The following ZNF423 variants were observed in gnomAD, a reference collection of about 807,000 sequenced individuals.
ZNF423 encodes the protein zinc finger protein 423, also known as Ebf-associated zinc finger protein.
Under a neutral mutation model 95.8 loss-of-function variants are expected in ZNF423, and 12 were observed. The ratio of observed to expected loss-of-function variants is 0.13; its 90% confidence interval spans 0.08 to 0.20. ZNF423 has a LOEUF of 0.20. ZNF423 is among the 10% of genes least tolerant of loss of function. The pLI, the probability that ZNF423 is intolerant of heterozygous loss-of-function variation, is 1.00. For missense variants in ZNF423, 1,316 were observed against 1,737.1 expected (o/e 0.76, Z 4.31); for synonymous variants, 749 against 711.9 (o/e 1.05, Z -0.83).
chr16:49,660,145 T>TCCTGGATC (rs1259514462), intron 3 of ZNF423, among the ~76,000 whole-genome samples: 2 of 152,214 alleles, frequency 1.3e-5, no homozygotes, highest in African/African-American at 2.4e-5. Context: ...AGCCCTGGAT[T>TCCTGGATC]CCTGGATCCC....
intron 7 of ZNF423, among the ~76,000 whole-genome samples, chr16:49,514,209 CACAT>C (rs1410477680): frequency 1.5e-3 from 92 of 62,816 alleles, no homozygotes; most frequent in African/African-American, 5.3e-3. Flanking sequence ...CACACACACA[CACAT>C]GCACACGCAC....
At chr16:49,579,706 T>G (rs1259107803) in intron 5 of ZNF423, among the ~76,000 whole-genome samples, 1 of 152,100 alleles carries the variant, frequency 6.6e-6, no homozygotes, top group Non-Finnish European at 1.5e-5. Flanking sequence ...CAGCCCCTGC[T>G]CCATCCTTTC....
chr16:49,827,316 T>C (rs1019989611), intron 1 of ZNF423, among the ~76,000 whole-genome samples: 51 of 151,950 alleles, frequency 3.4e-4, no homozygotes, highest in African/African-American at 1.2e-3. Context: ...TCCTTCCTTG[T>C]CTTCCTGAGC....
intron 1 of ZNF423, among the ~76,000 whole-genome samples, chr16:49,813,456 C>T (rs975807039): frequency 2.0e-5 from 3 of 152,188 alleles, no homozygotes; most frequent in Non-Finnish European, 4.4e-5. Context: ...CTAACCCTAA[C>T]CTCAATGTGC....
chr16:49,531,859 C>T (rs1968857128), intron 5 of ZNF423, among the ~76,000 whole-genome samples: 3 of 152,142 alleles, frequency 2.0e-5, no homozygotes, highest in Non-Finnish European at 2.9e-5. Flanking sequence ...CCCTGCCAAG[C>T]AGCCCGGGCA....
At chr16:49,858,816 G>A (rs1029592676), upstream of ZNF423, among the ~76,000 whole-genome samples, 3 of 152,144 alleles carry the variant, frequency 2.0e-5, no homozygotes, top group African/African-American at 7.2e-5. The surrounding 1 kb of genome is among the most constrained non-coding windows in gnomAD (Gnocchi z 4.3). Flanking sequence ...GAGGCGCCTG[G>A]GAAGGAGCCA....
At chr16:49,580,990 A>T (rs1970654077) in intron 5 of ZNF423, among the ~76,000 whole-genome samples, 1 of 152,100 alleles carries the variant, frequency 6.6e-6, no homozygotes, top group Non-Finnish European at 1.5e-5. Flanking sequence ...GGCTGAGTAG[A>T]TGTACGCTCC....
rs368737626 is a variant in ZNF423 at position 49,801,251 on chromosome 16, C to T, written c.41-11705G>A. Among the ~76,000 whole-genome samples the T allele has an allele frequency of 1.3e-4, 20 of 152,182 alleles. No homozygotes were observed. The East Asian group carries it at 1.3e-3, about 10-fold the overall frequency. ...GACAGACGCCAGCCTGGCCCAGGTC[C>T]CTCACGTCCTTCCCCACCACCCTGC... On this transcript the variant is annotated intron_variant, in intron 1 of 7. Transcript: ENST00000563137.
intron 3 of ZNF423, among the ~76,000 whole-genome samples, chr16:49,672,986 G>A (rs1302610538): frequency 6.6e-6 from 1 of 152,178 alleles, no homozygotes; most frequent in Non-Finnish European, 1.5e-5. Flanking sequence ...CACAAACCCT[G>A]AGTGGCATTC....
intron 3 of ZNF423, among the ~76,000 whole-genome samples, chr16:49,678,506 A>G (rs1484168539): frequency 6.6e-6 from 1 of 152,210 alleles, no homozygotes; most frequent in African/African-American, 2.4e-5. Context: ...ATAAACCAGT[A>G]AACAAGTGAC....
At chr16:49,586,989 T>C (rs1231247432) in intron 5 of ZNF423, among the ~76,000 whole-genome samples, 1 of 152,084 alleles carries the variant, frequency 6.6e-6, no homozygotes, top group Non-Finnish European at 1.5e-5. Context: ...AATGTCTCGT[T>C]GGTTTTGATG....
At chr16:49,586,265 CT>C (rs58267473) in intron 5 of ZNF423, among the ~76,000 whole-genome samples, 3,257 of 147,806 alleles carry the variant, frequency 0.022, 120 homozygotes, top group African/African-American at 0.075. Flanking sequence ...TAATTACCAC[CT>C]TTTTTTTTTT....
At chr16:49,848,213 C>T (rs1402727547) in intron 1 of ZNF423, among the ~76,000 whole-genome samples, 1 of 152,142 alleles carries the variant, frequency 6.6e-6, no homozygotes, top group Non-Finnish European at 1.5e-5. Flanking sequence ...AGCCCCTCCT[C>T]AGACCAGCCA....
intron 1 of ZNF423, among the ~76,000 whole-genome samples, chr16:49,819,504 G>A (rs1280490964): frequency 2.0e-5 from 3 of 151,952 alleles, no homozygotes; most frequent in Admixed American, 2.0e-4. Context: ...CTGGAGTGCA[G>A]TGATGTGATC....
intron 7 of ZNF423, among the ~76,000 whole-genome samples, chr16:49,493,897 A>C (rs1006082126): frequency 6.6e-6 from 1 of 152,192 alleles, no homozygotes; most frequent in African/African-American, 2.4e-5. Context: ...CGGACAGTGG[A>C]GGCCTTGAGT....
At chr16:49,527,307 T>C (rs1362391272) in intron 5 of ZNF423, among the ~76,000 whole-genome samples, 1 of 152,222 alleles carries the variant, frequency 6.6e-6, no homozygotes, top group Non-Finnish European at 1.5e-5. Context: ...ATCTTCCATT[T>C]ATACTAGCAG....
intron 2 of ZNF423, among the ~76,000 whole-genome samples, chr16:49,783,939 C>T (rs2034266007): frequency 1.4e-5 from 2 of 144,602 alleles, no homozygotes; most frequent in Non-Finnish European, 1.5e-5. Context: ...CACTACACTC[C>T]AGCCTGGCAA....
chr16:49,730,663 G>A, intron 3 of ZNF423, 108 bp downstream of exon 3: 1 of 1,211,586 alleles, frequency 8.3e-7, no homozygotes, highest in Non-Finnish European at 1.2e-6. Context: ...GACATTAACT[G>A]TAAAATTACA....
At chr16:49,685,785 T>G (rs2031541712) in intron 3 of ZNF423, among the ~76,000 whole-genome samples, 1 of 152,146 alleles carries the variant, frequency 6.6e-6, no homozygotes, top group African/African-American at 2.4e-5. Flanking sequence ...AGGATGAGTC[T>G]GAGGATGCCA....
Sources: allele counts gnomAD v4.1 joint callset (sites outside exome capture counted in the v4.1 genomes callset), GRCh38; gene constraint gnomAD v4.1.1; non-coding constraint Gnocchi (gnomAD v3.1); transcripts MANE v1.5; gene names NCBI Gene and HGNC (gene_info 2026-07-23, HGNC 2026-07-21).